Variants in HELQ observed in about 807,000 individuals in gnomAD.
The protein encoded by HELQ is helicase POLQ-like.
A neutral mutation model predicts 111.6 loss-of-function variants in HELQ; 77 were observed. The ratio of observed to expected loss-of-function variants is 0.69; its 90% confidence interval spans 0.57 to 0.83. The LOEUF (loss-of-function observed/expected upper bound fraction) is 0.83. HELQ is among the 40% of genes least tolerant of loss of function. The pLI, the probability that HELQ is intolerant of heterozygous loss-of-function variation, is 0.00. For synonymous variants in HELQ, 438 were observed against 454.7 expected (o/e 0.96, Z 0.47); for missense variants, 1,200 against 1,288.5 (o/e 0.93, Z 1.05).
At chr4:83,431,193 G>T (rs1009451003) in intron 11 of HELQ, among the ~76,000 whole-genome samples, 2 of 147,588 alleles carry the variant, frequency 1.4e-5, no homozygotes, top group South Asian at 4.1e-4. Flanking sequence ...AAGGTGGGAG[G>T]ACTGTTGAGG....
chr4:83,454,483 C>A (rs1048134681), intron 1 of HELQ, among the ~76,000 whole-genome samples: 1 of 151,996 alleles, frequency 6.6e-6, no homozygotes, highest in African/African-American at 2.4e-5. Flanking sequence ...GATCACAGCT[C>A]ACTGCAGTCT....
chr4:83,411,289 C>T (rs1281214943), intron 17 of HELQ, among the ~76,000 whole-genome samples: 2 of 150,546 alleles, frequency 1.3e-5, no homozygotes, highest in East Asian at 3.9e-4. Flanking sequence ...ACATCAAGTG[C>T]CTTTGAACTT....
In HELQ at chr4:83,424,581, CAG is replaced by C. The variant is rs200811292; in HGVS notation, c.2775+1411_2775+1412del. On this transcript the variant is annotated intron_variant, in intron 14 of 17. Transcript: ENST00000295488. ...GGGCTCATGGAATTTTTTTTTGAGA[CAG>C]AGTCTTGCTCTGTCACCCAAGCTGG... Among the ~76,000 whole-genome samples the C allele has an allele frequency of 8.4e-3, 1,285 of 152,138 alleles. 14 individuals carry two copies. The highest frequency in any genetic ancestry group is 0.013 in the Non-Finnish European group (913 of 67,976).
intron 17 of HELQ, 106 bp downstream of exon 17, chr4:83,416,625 A>T (rs1578066941): frequency 9.1e-7 from 1 of 1,101,516 alleles, no homozygotes; most frequent in Non-Finnish European, 1.3e-6. Context: ...GTATCTATAG[A>T]AATAAACAGT....
At chr4:83,415,675 CA>C (rs1739318460) in intron 17 of HELQ, among the ~76,000 whole-genome samples, 1 of 151,858 alleles carries the variant, frequency 6.6e-6, no homozygotes. Context: ...CTCTGTCACC[CA>C]GGTTGGAGTG....
Position 83,446,944 on chromosome 4 carries a change from CTTCT to C in HELQ, c.1279_1282del (p.Arg427GlyfsTer18). ...GGCAATATAGAGTGATTTCTTTTCC[CTTCT>C]TTTAGTTGGAGGAAATCTTCCTTTG... On this transcript the variant is annotated frameshift_variant, in exon 4 of 18. Coordinates refer to ENST00000295488, the MANE Select transcript of HELQ (RefSeq NM_133636.5). LOFTEE classifies it high-confidence loss of function. The C allele has an allele frequency of 6.2e-7, 1 of 1,612,918 alleles. No individual in the cohort carries two copies. Among genetic ancestry groups the C allele is most frequent in the Non-Finnish European group, 8.5e-7 (1 of 1,178,914 alleles).
chr4:83,435,933 G>C (rs1720429739), intron 9 of HELQ, among the ~76,000 whole-genome samples: 1 of 146,310 alleles, frequency 6.8e-6, no homozygotes. Context: ...ATGAGAGACA[G>C]AAATTGAAAA....
chr4:83,448,935 TCA>T lies in HELQ; in HGVS notation c.1037_1038del (p.Leu346Ter). 6.2e-7 allele frequency: 1 copy of T among 1,606,666 alleles called. No homozygotes were observed. The highest frequency in any genetic ancestry group is 1.1e-5 in the South Asian group (1 of 89,796). On this transcript the variant is annotated frameshift_variant, in exon 3 of 18. Coordinates refer to ENST00000295488, the MANE Select transcript of HELQ (RefSeq NM_133636.5). LOFTEE classifies it high-confidence loss of function. ...LYEWQHTCLT[L>X]NSVQERKNLI... The stretch of plus-strand genomic sequence containing the variant: ...AAATTTTTTCTTTCTTGCACAGAAT[TCA>T]ATGTTAAACAAGTATGTTGCCATTC...
chr4:83,440,863 C>T (rs763701588), intron 7 of HELQ, among the ~76,000 whole-genome samples: 6 of 152,150 alleles, frequency 3.9e-5, no homozygotes, highest in South Asian at 2.1e-4. Flanking sequence ...ATACGTACTT[C>T]CTCACAATTT....
intron 14 of HELQ, among the ~76,000 whole-genome samples, chr4:83,423,727 A>G (rs9307825): frequency 0.026 from 3,980 of 152,274 alleles, 190 homozygotes; most frequent in African/African-American, 0.09. Flanking sequence ...CCTGGCCAAC[A>G]TGGTGAAACT....
intron 5 of HELQ, among the ~76,000 whole-genome samples, chr4:83,445,662 G>A (rs536942331): frequency 6.6e-6 from 1 of 152,292 alleles, no homozygotes; most frequent in African/African-American, 2.4e-5. Flanking sequence ...CTTACTGAAT[G>A]CAGTGTGCTA....
chr4:83,431,828 T>G, intron 10 of HELQ, 60 bp from the exon 11 acceptor site: 1 of 688,544 alleles, frequency 1.5e-6, no homozygotes, highest in Non-Finnish European at 2.2e-6. Context: ...TGGTATTTAA[T>G]ATAAATATTT....
In HELQ at chr4:83,437,098, C is replaced by T; in HGVS notation, c.1809-1G>A. ...TTTCTCCTTATGTTTCAGATATTCCCTATGAAAAAGATCTGTTAGAAATAT... is the reference window on the plus strand; with the variant it reads ...TTTCTCCTTATGTTTCAGATATTCCTTATGAAAAAGATCTGTTAGAAATAT... On this transcript the variant is annotated splice_acceptor_variant, in intron 8 of 17. Transcript: ENST00000295488. LOFTEE classifies it high-confidence loss of function. The T allele has an allele frequency of 6.2e-7, 1 of 1,611,982 alleles. No homozygotes were observed. Among genetic ancestry groups the T allele is most frequent in the Non-Finnish European group, 8.5e-7 (1 of 1,179,106 alleles).
intron 5 of HELQ, among the ~76,000 whole-genome samples, chr4:83,444,105 T>G (rs1720918805): frequency 1.3e-5 from 2 of 152,148 alleles, no homozygotes; most frequent in South Asian, 4.1e-4. Context: ...AGAATGAAAT[T>G]TTTCAGGTAT....
At chr4:83,442,727 T>G (rs988812846) in intron 6 of HELQ, among the ~76,000 whole-genome samples, 12 of 151,924 alleles carry the variant, frequency 7.9e-5, no homozygotes, top group Non-Finnish European at 1.6e-4. Flanking sequence ...ATTTTTTAAT[T>G]TTTTGTAGAG....
chr4:83,434,789 G>A (rs1720361653), intron 9 of HELQ, among the ~76,000 whole-genome samples: 1 of 152,052 alleles, frequency 6.6e-6, no homozygotes, highest in Non-Finnish European at 1.5e-5. Context: ...AAAATTACAT[G>A]GCACAAACGT....
At chr4:83,454,593 T>TAAAAA (rs1351484500) in intron 1 of HELQ, among the ~76,000 whole-genome samples, 87 of 151,548 alleles carry the variant, frequency 5.7e-4, no homozygotes, top group African/African-American at 2.0e-3. Flanking sequence ...AAAAAAAATT[T>TAAAAA]TTTTTTTTTT....
chr4:83,433,349 A>G (rs1720256803), intron 9 of HELQ, among the ~76,000 whole-genome samples: 1 of 152,164 alleles, frequency 6.6e-6, no homozygotes, highest in African/African-American at 2.4e-5. Context: ...AGAAAATTCC[A>G]AAGAGTATTA....
chr4:83,412,526 T>A (rs952613683), intron 17 of HELQ, among the ~76,000 whole-genome samples: 1 of 152,100 alleles, frequency 6.6e-6, no homozygotes, highest in African/African-American at 2.4e-5. Context: ...GATCATTGGG[T>A]CTTAAAACCC....
Sources: allele counts gnomAD v4.1 joint callset (sites outside exome capture counted in the v4.1 genomes callset), GRCh38; gene constraint gnomAD v4.1.1; transcripts MANE v1.5; gene names NCBI Gene and HGNC (gene_info 2026-07-23, HGNC 2026-07-21).